EXD1: variants seen among roughly 807,000 people sequenced by gnomAD.
EXD1 encodes exonuclease 3'-5' domain containing 1, also known as piRNA biogenesis protein EXD1.
A neutral mutation model predicts 49.1 loss-of-function variants in EXD1; 63 were observed. The ratio of observed to expected loss-of-function variants is 1.28; its 90% CI spans 1.05 to 1.58. EXD1 has a LOEUF of 1.58. Among genes scored for constraint, EXD1 ranks in the 40% most tolerant of loss-of-function variants. EXD1 has a pLI of 0.00. For missense variants in EXD1, 748 were observed against 666.0 expected, an observed-to-expected ratio of 1.12 and a Z score of -1.36; for synonymous variants, 234 against 239.2, an observed-to-expected ratio of 0.98 and a Z score of 0.20.
At chr15:41,196,628 A>G (rs117231320) in intron 7 of EXD1, among the ~76,000 whole-genome samples, 1,870 of 151,406 alleles carry the variant, frequency 0.012, 25 homozygotes, top group Non-Finnish European at 0.02. Context: ...AAAGGGTTTC[A>G]CCATATTGGC....
Position 41,216,711 on chromosome 15 carries a change from T to C in EXD1, c.345A>G (p.Ala115=), listed in dbSNP as rs1484997614. The C allele has an allele frequency of 3.7e-6, 6 of 1,613,556 alleles. No homozygotes were observed. In the Admixed American group the frequency reaches 1.0e-4, roughly 27 times the overall value. The change falls in exon 5 of 12, where the codon GCA becomes GCG. Residue 115 remains alanine, a synonymous_variant. Transcript: ENST00000458580. ...VCEPASPAPE[A]PATSLLNDLK... ...GGTCATTCAGCAGAGAGGTAGCTGG[T>C]GCTTCAGGGGCAGGAGAAGCAGGCT... is the stretch of plus-strand genomic sequence containing the variant.
At chr15:41,226,743 G>C in intron 1 of EXD1, 115 bp from the exon 2 acceptor site, 2 of 868,720 alleles carry the variant, frequency 2.3e-6, no homozygotes, top group Non-Finnish European at 3.2e-6. Context: ...ATTCAGTTTT[G>C]TTCATCTTTT....
chr15:41,189,852 C>T (rs914386049), intron 11 of EXD1, 85 bp downstream of exon 11: 7 of 1,357,820 alleles, frequency 5.2e-6, no homozygotes, highest in African/African-American at 4.3e-5. Flanking sequence ...TGAAAACTAT[C>T]GCAGCTATGA....
intron 7 of EXD1, among the ~76,000 whole-genome samples, chr15:41,208,162 TG>T (rs1189574593): frequency 6.6e-6 from 1 of 151,762 alleles, no homozygotes. Flanking sequence ...TACTCTCTTT[TG>T]TTTTGGTAGA....
intron 7 of EXD1, among the ~76,000 whole-genome samples, chr15:41,199,486 AG>A (rs2046672304): frequency 6.7e-6 from 1 of 149,044 alleles, no homozygotes; most frequent in African/African-American, 2.5e-5. Flanking sequence ...AGGTTCCTGG[AG>A]GGGGTGGGTG....
At chr15:41,227,675 CAAAAA>C (rs56794638) in intron 1 of EXD1, among the ~76,000 whole-genome samples, 1 of 92,030 alleles carries the variant, frequency 1.1e-5, no homozygotes. Flanking sequence ...AACACTGTCT[CAAAAA>C]AAAAAAAAAA....
intron 6 of EXD1, among the ~76,000 whole-genome samples, chr15:41,214,408 G>C (rs202209685): frequency 6.6e-6 from 1 of 151,546 alleles, no homozygotes; most frequent in East Asian, 2.0e-4. Flanking sequence ...AGCTACTCAG[G>C]AGGCTGAGCC....
intron 1 of EXD1, 152 bp downstream of exon 1, chr15:41,230,327 C>T (rs1184178005): frequency 2.6e-5 from 18 of 692,812 alleles, no homozygotes; most frequent in Admixed American, 4.8e-5. Context: ...AGGTGTTCTG[C>T]CCACCTCGGC....
At chr15:41,209,948 G>A (rs138805232) in intron 6 of EXD1, among the ~76,000 whole-genome samples, 1 of 152,122 alleles carries the variant, frequency 6.6e-6, no homozygotes, top group African/African-American at 2.4e-5. Context: ...CACTCTTGTT[G>A]CTAGGCTGGA....
chr15:41,197,272 G>GGCTGGAGGGCAGTGGCACGATCTCGACTC (rs1469488267), intron 7 of EXD1, among the ~76,000 whole-genome samples: 1 of 147,056 alleles, frequency 6.8e-6, no homozygotes, highest in Non-Finnish European at 1.5e-5. Context: ...CTGTCGCCCA[G>GGCTGGAGGGCAGTGGCACGATCTCGACTC]GCTGGAGGGC....
intron 11 of EXD1, among the ~76,000 whole-genome samples, chr15:41,185,296 C>A (rs2046390911): frequency 6.6e-6 from 1 of 152,020 alleles, no homozygotes; most frequent in South Asian, 2.1e-4. Context: ...TATTTTCCTC[C>A]AAATTTTTAT....
chr15:41,195,642 A>C, intron 9 of EXD1, 133 bp downstream of exon 9: 1 of 526,228 alleles, frequency 1.9e-6, no homozygotes. Context: ...TTTACATGAA[A>C]AGTGAGCAGA....
intron 9 of EXD1, among the ~76,000 whole-genome samples, chr15:41,193,030 C>T (rs1020430357): frequency 3.9e-5 from 6 of 151,920 alleles, no homozygotes; most frequent in South Asian, 2.1e-4. Context: ...GTGATCCGTC[C>T]GCCTCGCCCT....
At chr15:41,186,382 G>A (rs544046973) in intron 11 of EXD1, among the ~76,000 whole-genome samples, 3 of 143,964 alleles carry the variant, frequency 2.1e-5, no homozygotes, top group South Asian at 4.4e-4. Flanking sequence ...TGAGGGAGGA[G>A]AATCACTTGA....
At chr15:41,222,676 C>T (rs1465780266) in intron 2 of EXD1, among the ~76,000 whole-genome samples, 5 of 145,032 alleles carry the variant, frequency 3.4e-5, no homozygotes, top group East Asian at 4.0e-4. Flanking sequence ...CGGTGACTCA[C>T]GGCTATAATC....
chr15:41,201,126 A>G (rs2046722537), intron 7 of EXD1, among the ~76,000 whole-genome samples: 1 of 152,046 alleles, frequency 6.6e-6, no homozygotes, highest in Non-Finnish European at 1.5e-5. Context: ...TGCCTGCCTC[A>G]GACTCCCAAA....
At position 41,184,258 on chromosome 15, in the gene EXD1, A is replaced by G. The variant is rs760249716; in HGVS notation, c.1392T>C (p.Asp464=). The change falls in exon 12 of 12, where the codon GAT becomes GAC. Residue 464 remains aspartate (D), a synonymous_variant. Coordinates refer to ENST00000458580, the MANE Select transcript of EXD1 (RefSeq NM_001286441.2). ...TTGTGCAAATGAGTTTGTTACTGGA[A>G]TCCTCACTGGTTTCCCCTTCCTCTG... The part of the protein sequence containing the change: ...PPTEEGETSE[D]SSNKLICTKS... The G allele has an allele frequency of 6.8e-6, 11 of 1,614,022 alleles. No homozygotes were observed. The highest frequency in any genetic ancestry group is 9.3e-6 in the Non-Finnish European group (11 of 1,180,034).
intron 10 of EXD1, 89 bp from the exon 11 acceptor site, chr15:41,190,217 G>C: frequency 3.6e-6 from 5 of 1,371,910 alleles, no homozygotes; most frequent in Non-Finnish European, 5.1e-6. Context: ...GCTCATGCCT[G>C]TAATCCCAGC....
intron 2 of EXD1, among the ~76,000 whole-genome samples, chr15:41,224,791 CA>C (rs1178818666): frequency 1.3e-5 from 2 of 151,628 alleles, no homozygotes; most frequent in Non-Finnish European, 2.9e-5. Flanking sequence ...CCCATTTCTA[CA>C]AAAAAATAAA....
Sources: allele counts gnomAD v4.1 joint callset (sites outside exome capture counted in the v4.1 genomes callset), GRCh38; gene constraint gnomAD v4.1.1; transcripts MANE v1.5; gene names NCBI Gene and HGNC (gene_info 2026-07-23, HGNC 2026-07-21).